LSP1: variants seen among roughly 807,000 people sequenced by gnomAD.
LSP1 encodes the protein lymphocyte specific protein 1.
A neutral mutation model predicts 49.3 loss-of-function variants in LSP1; 32 were observed. The ratio of observed to expected loss-of-function variants is 0.65; its 90% CI spans 0.49 to 0.87. The LOEUF (loss-of-function observed/expected upper bound fraction) is 0.87. Among genes scored for constraint, LSP1 ranks in the 40% least tolerant of loss-of-function variants. The probability of loss-of-function intolerance (pLI) is 0.00; values close to 1 mark genes in which losing one functional copy is unlikely to be tolerated. For synonymous variants in LSP1, 179 were observed against 178.8 expected, an observed-to-expected ratio of 1.00 and a Z score of -0.01; for missense variants, 428 against 442.6, an observed-to-expected ratio of 0.97 and a Z score of 0.30.
At chr11:1,861,705 GGA>G (rs1847635389) in intron 1 of LSP1, among the ~76,000 whole-genome samples, 2 of 149,816 alleles carry the variant, frequency 1.3e-5, no homozygotes, top group Admixed American at 6.6e-5. Flanking sequence ...GTGGATGGAT[GGA>G]TGGATGGATG....
intron 1 of LSP1, chr11:1,871,284 C>A (rs1466446879): frequency 1.9e-5 from 19 of 986,544 alleles, no homozygotes; most frequent in Non-Finnish European, 2.3e-5. Context: ...GGGCCACCCA[C>A]GAGCAGGGCG....
At chr11:1,854,689 C>T (rs373801147) in intron 1 of LSP1, among the ~76,000 whole-genome samples, 1 of 152,094 alleles carries the variant, frequency 6.6e-6, no homozygotes, top group Non-Finnish European at 1.5e-5. Flanking sequence ...TGGGAGGATG[C>T]CCTGCCCAGG....
rs1490188536 is a variant in LSP1 at position 1,884,222 on chromosome 11, T to C, written c.592-58T>C. The C allele has an allele frequency of 1.0e-4, 165 of 1,596,482 alleles. No individual in the cohort carries two copies. Among genetic ancestry groups the C allele is most frequent in the Non-Finnish European group, 1.4e-4 (161 of 1,164,190 alleles). On this transcript the variant is annotated intron_variant, in intron 5 of 10. Coordinates refer to ENST00000311604, the MANE Select transcript of LSP1 (RefSeq NM_002339.3). This position sits in a 1 kb window ranked among gnomAD's most constrained non-coding sequence, Gnocchi z 4.1. ...TTAGTGGTTGGAGTAGCTGGGGAGA[T>C]GGAGGGTGGGCTTTACCTCGGCTGC...
At chr11:1,882,375 G>T (rs899442428) in intron 3 of LSP1, among the ~76,000 whole-genome samples, 59 of 152,254 alleles carry the variant, frequency 3.9e-4, no homozygotes, top group African/African-American at 1.4e-3. Flanking sequence ...CCCCTCTGAG[G>T]CCCTAAACCA....
intron 10 of LSP1, chr11:1,890,169 C>T (rs762864076): frequency 2.9e-5 from 21 of 716,902 alleles, no homozygotes; most frequent in Non-Finnish European, 4.2e-5. Context: ...TAGAATCCTG[C>T]GCTGGGTGAG....
intron 2 of LSP1, chr11:1,880,616 G>A (rs769485117): frequency 1.5e-5 from 3 of 197,856 alleles, no homozygotes; most frequent in Non-Finnish European, 3.1e-5. Context: ...GGAGGCCTCC[G>A]CGGCTGGGCT....
Position 1,872,383 on chromosome 11 carries a change from C to T in LSP1, c.54-7704C>T, listed in dbSNP as rs1407689050. Among the ~76,000 whole-genome samples, 10 of 143,414 alleles carry T rather than the reference C, an allele frequency of 7.0e-5. No homozygotes were observed. In the East Asian group the frequency reaches 2.2e-3, roughly 31 times the overall value. The allele number at this position is 143,414 out of a possible 152,430, so 94.1% of individuals were successfully genotyped here. A position where few individuals can be genotyped will look rare whatever the true frequency, so the allele number is the denominator to read the frequency against. On this transcript the variant is annotated intron_variant, in intron 1 of 10. Coordinates refer to ENST00000311604, the MANE Select transcript of LSP1 (RefSeq NM_002339.3). ...TTGGGGTCTGTCTGGCTGGCGTGGG[C>T]ACCTTTGGGACGGGGTGTGTGTGGC...
Position 1,871,068 on chromosome 11 carries a change from G to C in LSP1, c.54-9019G>C, listed in dbSNP as rs1434582048. On this transcript the variant is annotated intron_variant, in intron 1 of 10. Coordinates refer to ENST00000311604, the MANE Select transcript of LSP1 (RefSeq NM_002339.3). ...TGCGAGGGTGAGAGCTGCGGCGGAG[G>C]ACGCTGATCGCGGAGTGCAGGCGAG... The C allele has an allele frequency of 1.2e-5, 12 of 985,504 alleles. No individual in the cohort carries two copies. In the Admixed American group the frequency reaches 3.1e-4, roughly 25 times the overall value. The allele number at this position is 985,504 out of a possible 1,614,324, so 61.0% of individuals were successfully genotyped here. A position where few individuals can be genotyped will look rare whatever the true frequency, so the allele number is the denominator to read the frequency against.
In LSP1 at chr11:1,880,233, C is replaced by T; in HGVS notation, c.191+9C>T. 1 of 1,582,230 alleles carries T rather than the reference C, an allele frequency of 6.3e-7. No homozygotes were observed. ...CCGAAGCAGGAGATGCTGTGAGCAG[C>T]CCCATAACGCGTGCCTGGGCTCTAG... is the stretch of plus-strand genomic sequence containing the variant. On this transcript the variant is annotated intron_variant, in intron 2 of 10. Transcript: ENST00000311604.
intron 1 of LSP1, chr11:1,871,450 A>T: frequency 1.0e-6 from 1 of 986,356 alleles, no homozygotes; most frequent in Non-Finnish European, 1.2e-6. Context: ...TGGGCTGGTC[A>T]GCAGGACATC....
intron 1 of LSP1, among the ~76,000 whole-genome samples, chr11:1,873,105 G>A (rs555407053): frequency 1.3e-5 from 2 of 151,882 alleles, no homozygotes; most frequent in Non-Finnish European, 2.9e-5. Flanking sequence ...GTGGAGGCAG[G>A]GGGCAGAGAC....
intron 10 of LSP1, chr11:1,890,138 C>T (rs1457194153): frequency 1.7e-5 from 12 of 717,106 alleles, no homozygotes; most frequent in Admixed American, 6.0e-5. Context: ...CCTGGGGCCC[C>T]ATGGCCCTGA....
In LSP1 at chr11:1,883,494, GC is replaced by G; in HGVS notation, c.434del (p.Pro145GlnfsTer48). ...LEELSLSKEG[P>X]GPEDTVQDNL... ...AGGAGTTGAGTCTGAGCAAGGAGGG[GC>G]CAGGCCCAGAGGACACTGTCCAGGA... is the stretch of plus-strand genomic sequence containing the variant. On this transcript the variant is annotated frameshift_variant, in exon 4 of 11. Coordinates refer to ENST00000311604, the MANE Select transcript of LSP1 (RefSeq NM_002339.3). LOFTEE classifies it high-confidence loss of function. 1 of 1,614,022 alleles carries G rather than the reference GC, an allele frequency of 6.2e-7. No individual in the cohort carries two copies. Among genetic ancestry groups the G allele is most frequent in the South Asian group, 1.1e-5 (1 of 91,088 alleles).
intron 1 of LSP1, chr11:1,871,256 G>T: frequency 1.0e-6 from 1 of 986,816 alleles, no homozygotes; most frequent in Non-Finnish European, 1.2e-6. Context: ...CAGCCACGCC[G>T]CCGGGATGCA....
intron 1 of LSP1, among the ~76,000 whole-genome samples, chr11:1,854,875 G>A (rs915683084): frequency 1.3e-5 from 2 of 152,184 alleles, no homozygotes; most frequent in Admixed American, 6.5e-5. Flanking sequence ...TTCCTCCTTG[G>A]CCTCATCCTT....
intron 10 of LSP1, chr11:1,890,756 G>A (rs1194243554): frequency 1.7e-6 from 1 of 599,762 alleles, no homozygotes; most frequent in Admixed American, 2.9e-5. Context: ...GAGCTCGACT[G>A]TGCCTTGGGG....
At chr11:1,889,799 A>G in intron 10 of LSP1, 1 of 643,934 alleles carries the variant, frequency 1.6e-6, no homozygotes, top group Non-Finnish European at 2.8e-6. Context: ...CCCTGGCACT[A>G]GCCTCTCTGG....
chr11:1,880,620 C>CTGGGA (rs1848500606), intron 2 of LSP1: 1 of 189,106 alleles, frequency 5.3e-6, no homozygotes, highest in Non-Finnish European at 1.1e-5. Context: ...GCCTCCGCGG[C>CTGGGA]TGGGCTGGGC....
rs766162643 is a variant in LSP1, at chr11:1,883,428, G to A, written c.366G>A (p.Leu122=). 4 of 1,614,050 alleles carry A rather than the reference G, an allele frequency of 2.5e-6. No homozygotes were observed. The highest frequency in any genetic ancestry group is 1.1e-5 in the South Asian group (1 of 91,084). The change falls in exon 4 of 11, where the codon CTG becomes CTA. Residue 122 remains leucine, a synonymous_variant. Transcript: ENST00000311604. ...CCCTTTCCACCCACAGGCCCGGCCT[G>A]CATGCCTACGAAAAGGAGGACAGTG... ...PEGEQEDRPG[L]HAYEKEDSDE...
Sources: gnomAD v4.1 joint callset for allele counts (sites outside exome capture counted in the v4.1 genomes callset) on GRCh38, gnomAD v4.1.1 for gene constraint, Gnocchi (gnomAD v3.1) non-coding constraint, MANE v1.5 for transcripts, NCBI Gene and HGNC (gene_info 2026-07-23, HGNC 2026-07-21) for gene names.